The following LOC122539214 variants were observed in gnomAD, a reference collection of about 807,000 sequenced individuals.
chr19:52,662,925 G>A, the LOC122539214 span, among the ~76,000 whole-genome samples: 3 of 152,188 alleles, frequency 2.0e-5, no homozygotes, highest in Non-Finnish European at 4.4e-5. Flanking sequence ...CACTTTGGGA[G>A]GCTGACAGGG....
At chr19:52,685,913 A>T in the LOC122539214 span, among the ~76,000 whole-genome samples, 1 of 59,508 alleles carries the variant, frequency 1.7e-5, no homozygotes, top group African/African-American at 8.2e-5. Flanking sequence ...AAAAAAAAAA[A>T]AAAAAAAAAA....
At chr19:52,664,219 G>C in the LOC122539214 span, among the ~76,000 whole-genome samples, 2 of 151,292 alleles carry the variant, frequency 1.3e-5, no homozygotes, top group African/African-American at 2.4e-5. Flanking sequence ...GAACAAGCTG[G>C]GTGTGGTGGC....
chr19:52,666,377 A>T, the LOC122539214 span, among the ~76,000 whole-genome samples: 2 of 152,020 alleles, frequency 1.3e-5, no homozygotes, highest in East Asian at 3.9e-4. Context: ...CTTCTCCATG[A>T]CCCTATAACA....
At chr19:52,677,175 AAAAAAC>A in the LOC122539214 span, among the ~76,000 whole-genome samples, 14 of 151,972 alleles carry the variant, frequency 9.2e-5, 1 homozygote, top group South Asian at 4.2e-4. Context: ...GATACAATCA[AAAAAAC>A]AAAAACAAAA....
At chr19:52,669,986 A>T in the LOC122539214 span, among the ~76,000 whole-genome samples, 5 of 152,236 alleles carry the variant, frequency 3.3e-5, no homozygotes, top group Non-Finnish European at 7.3e-5. Flanking sequence ...GTTAGATATG[A>T]GTTCTAAATT....
At chr19:52,662,560 G>T in the LOC122539214 span, among the ~76,000 whole-genome samples, 1 of 152,140 alleles carries the variant, frequency 6.6e-6, no homozygotes, top group Admixed American at 6.5e-5. Flanking sequence ...TCTGGTACTT[G>T]TGTTTTTTAT....
At chr19:52,683,746 G>A in the LOC122539214 span, among the ~76,000 whole-genome samples, 1 of 152,140 alleles carries the variant, frequency 6.6e-6, no homozygotes, top group Non-Finnish European at 1.5e-5. Context: ...AGGAAGTTTA[G>A]ATCAATTAGA....
At chr19:52,678,093 A>G in the LOC122539214 span, among the ~76,000 whole-genome samples, 1 of 151,850 alleles carries the variant, frequency 6.6e-6, no homozygotes, top group African/African-American at 2.4e-5. Flanking sequence ...TGTTGCCTAC[A>G]TGTGTGATTG....
At chr19:52,682,725 C>G in the LOC122539214 span, among the ~76,000 whole-genome samples, 2 of 151,804 alleles carry the variant, frequency 1.3e-5, no homozygotes, top group African/African-American at 2.4e-5. Context: ...AAAGATGTAG[C>G]TATGTGTGGT....
At chr19:52,654,186 AG>A in the LOC122539214 span, 1 of 1,600,316 alleles carries the variant, frequency 6.2e-7, no homozygotes, top group South Asian at 1.1e-5. Flanking sequence ...CTGTACTACC[AG>A]TCAACTTTTT....
the LOC122539214 span, among the ~76,000 whole-genome samples, chr19:52,664,250 C>T: frequency 2.0e-5 from 3 of 149,902 alleles, no homozygotes; most frequent in Admixed American, 2.0e-4. Context: ...AATCCCAAGA[C>T]TTTGGGAGGC....
At chr19:52,687,561 TTATATATATATAAATTTTATATA>T in the LOC122539214 span, among the ~76,000 whole-genome samples, 1 of 22,782 alleles carries the variant, frequency 4.4e-5, no homozygotes, top group Admixed American at 3.9e-4. Flanking sequence ...TGTGTAAATT[TTATATATATATAAATTTTATATA>T]TATATATATA....
chr19:52,687,657 A>ATATG, the LOC122539214 span, among the ~76,000 whole-genome samples: 1 of 14,972 alleles, frequency 6.7e-5, no homozygotes, highest in Non-Finnish European at 1.2e-4. Context: ...ATATATATAT[A>ATATG]ATGTATATAT....
At chr19:52,683,264 GTGTGTGTGTGTGT>G in the LOC122539214 span, among the ~76,000 whole-genome samples, 3 of 89,352 alleles carry the variant, frequency 3.4e-5, no homozygotes, top group African/African-American at 1.2e-4. Context: ...GTGTGTGTGT[GTGTGTGTGTGTGT>G]GTGTATGCTC....
chr19:52,657,542 A>G, the LOC122539214 span, among the ~76,000 whole-genome samples: 1 of 151,914 alleles, frequency 6.6e-6, no homozygotes, highest in African/African-American at 2.4e-5. Context: ...TAATAAAATA[A>G]TTTTTTAAAA....
At chr19:52,679,978 G>A in the LOC122539214 span, among the ~76,000 whole-genome samples, 3 of 152,082 alleles carry the variant, frequency 2.0e-5, no homozygotes, top group African/African-American at 4.8e-5. Flanking sequence ...GTTGGGGTTC[G>A]AGACCAGACT....
chr19:52,662,816 C>T, the LOC122539214 span, among the ~76,000 whole-genome samples: 1 of 152,096 alleles, frequency 6.6e-6, no homozygotes, highest in Admixed American at 6.5e-5. Flanking sequence ...GCGGCTCATT[C>T]CTATGTGATG....
At chr19:52,662,211 C>A in the LOC122539214 span, among the ~76,000 whole-genome samples, 1 of 152,200 alleles carries the variant, frequency 6.6e-6, no homozygotes, top group Admixed American at 6.5e-5. Context: ...GAATTCATTT[C>A]TCATTTTAAA....
the LOC122539214 span, among the ~76,000 whole-genome samples, chr19:52,658,211 A>G: frequency 6.6e-6 from 1 of 152,114 alleles, no homozygotes; most frequent in South Asian, 2.1e-4. Flanking sequence ...GGGAGTCTAA[A>G]CAGACTAACA....
Sources: allele counts gnomAD v4.1 joint callset (sites outside exome capture counted in the v4.1 genomes callset), GRCh38; gene constraint gnomAD v4.1.1; transcripts MANE v1.5.